SDC2: variants seen among roughly 807,000 people sequenced by gnomAD.
The protein encoded by SDC2 is syndecan-2.
A neutral mutation model predicts 22.2 loss-of-function variants in SDC2; 13 were observed. That is an observed-to-expected ratio of 0.59 (90% confidence interval 0.38 to 0.93). The LOEUF (loss-of-function observed/expected upper bound fraction) is 0.93, where lower values mean the gene tolerates loss of function less well. Ranked by LOEUF, SDC2 falls within the 40% of genes least tolerant of loss-of-function variation. The pLI is 0.00. For missense variants in SDC2, 235 were observed against 246.8 expected (o/e 0.95, Z 0.32); for synonymous variants, 94 against 92.8 (o/e 1.01, Z -0.07).
intron 1 of SDC2, among the ~76,000 whole-genome samples, chr8:96,542,348 T>G (rs887873053): frequency 6.6e-6 from 1 of 152,218 alleles, no homozygotes; most frequent in African/African-American, 2.4e-5. Flanking sequence ...TCAGAGAAGA[T>G]GTGGGCTATG....
intron 1 of SDC2, among the ~76,000 whole-genome samples, chr8:96,536,887 G>A (rs927112848): frequency 3.3e-5 from 5 of 152,160 alleles, no homozygotes; most frequent in Admixed American, 3.3e-4. Context: ...CTGGATAACT[G>A]GCAGGTAACT....
chr8:96,604,500 A>G (rs1815044799), intron 3 of SDC2, among the ~76,000 whole-genome samples: 1 of 152,226 alleles, frequency 6.6e-6, no homozygotes, highest in African/African-American at 2.4e-5. Context: ...ATTGATCATG[A>G]ATAACATGAA....
Position 96,500,554 on chromosome 8 carries a change from T to C in SDC2, c.60+6223T>C, listed in dbSNP as rs191076026. ...ATGGGCACCTATAATCCCAGCTACTTGGGAGGCTGAGGCAGGAGAATTGCT... is the reference window on the plus strand; with the variant it reads ...ATGGGCACCTATAATCCCAGCTACTCGGGAGGCTGAGGCAGGAGAATTGCT... On this transcript the variant is annotated intron_variant, in intron 1 of 4. Transcript: ENST00000302190. Among the ~76,000 whole-genome samples the C allele has an allele frequency of 2.3e-4, 34 of 148,710 alleles. 1 individual carries two copies. The East Asian group carries it at 6.6e-3, about 29-fold the overall frequency.
intron 1 of SDC2, among the ~76,000 whole-genome samples, chr8:96,497,277 T>A (rs1252024622): frequency 6.6e-6 from 1 of 152,122 alleles, no homozygotes; most frequent in African/African-American, 2.4e-5. Flanking sequence ...GTTTGGCTGT[T>A]TTATGAGTGA....
At chr8:96,562,476 G>A (rs1272829592) in intron 1 of SDC2, among the ~76,000 whole-genome samples, 2 of 152,166 alleles carry the variant, frequency 1.3e-5, no homozygotes, top group Non-Finnish European at 2.9e-5. Flanking sequence ...GTCCCTGTGG[G>A]ACTTGGTAGC....
At chr8:96,552,013 A>G (rs1406254219) in intron 1 of SDC2, among the ~76,000 whole-genome samples, 3 of 152,152 alleles carry the variant, frequency 2.0e-5, no homozygotes, top group Non-Finnish European at 4.4e-5. Flanking sequence ...GTCCCTAGAC[A>G]TCTTGAATGT....
At chr8:96,552,153 ACT>A (rs1269716914) in intron 1 of SDC2, among the ~76,000 whole-genome samples, 1 of 152,198 alleles carries the variant, frequency 6.6e-6, no homozygotes, top group African/African-American at 2.4e-5. Flanking sequence ...CTCCTGCTTT[ACT>A]CAAATCTTGT....
chr8:96,557,754 A>C (rs1023271500), intron 1 of SDC2, among the ~76,000 whole-genome samples: 1 of 152,104 alleles, frequency 6.6e-6, no homozygotes, highest in Non-Finnish European at 1.5e-5. Context: ...ATGCACATGG[A>C]CCCTAAAACT....
intron 1 of SDC2, among the ~76,000 whole-genome samples, chr8:96,504,216 A>C (rs909257656): frequency 1.3e-5 from 2 of 152,230 alleles, no homozygotes; most frequent in Admixed American, 1.3e-4. Context: ...GACTCAATTC[A>C]CTTGACATGT....
rs1407868793 is a variant in SDC2 at position 96,493,990 on chromosome 8, G to A, written c.-282G>A. Reference sequence around the variant, plus strand: ...CCACAGCAGAGCAAGAAGAGCTTCAGAGAGCAGCCTTCCCGGAGCACCAAC... The same window carrying A: ...CCACAGCAGAGCAAGAAGAGCTTCAAAGAGCAGCCTTCCCGGAGCACCAAC... On this transcript the variant is annotated 5_prime_UTR_variant, in exon 1 of 5. Transcript: ENST00000302190. 1.4e-5 allele frequency: 7 copies of A among 510,474 alleles called. No individual in the cohort carries two copies. The highest frequency in any genetic ancestry group is 8.0e-5 in the Admixed American group (2 of 24,950). 31.6% of individuals were successfully genotyped at this position (510,474 alleles called of 1,614,324 possible).
Position 96,494,160 on chromosome 8 carries a change from T to G in SDC2, c.-112T>G. On this transcript the variant is annotated 5_prime_UTR_variant, in exon 1 of 5. Transcript: ENST00000302190. ...GTCCCCGAGCCTGAGCCGCAATCGC[T>G]GCGGTACTCTGCTCCGGATTCGTGT... The G allele has an allele frequency of 8.7e-7, 1 of 1,152,132 alleles. No homozygotes were observed. Among genetic ancestry groups the G allele is most frequent in the Non-Finnish European group, 1.2e-6 (1 of 821,020 alleles). The allele number at this position is 1,152,132 out of a possible 1,614,324, so 71.4% of individuals were successfully genotyped here. A position where few individuals can be genotyped will look rare whatever the true frequency, so the allele number is the denominator to read the frequency against.
At position 96,565,084 on chromosome 8, in the gene SDC2, A is replaced by AT. The variant is rs11304418; in HGVS notation, c.61-28381dup. Among the ~76,000 whole-genome samples, 50 of 67,832 alleles carry AT rather than the reference A, an allele frequency of 7.4e-4. 3 individuals are homozygous for AT. The highest frequency in any genetic ancestry group is 3.7e-3 in the Admixed American group (20 of 5,370). 44.5% of individuals were successfully genotyped at this position (67,832 alleles called of 152,430 possible). On this transcript the variant is annotated intron_variant, in intron 1 of 4. Transcript: ENST00000302190. ...GATCACTGAGACCATCCTAAATTTGATTTTTTTTTTTTTTTGTTGAGATGG... is the reference window on the plus strand; with the variant it reads ...GATCACTGAGACCATCCTAAATTTGATTTTTTTTTTTTTTTTGTTGAGATGG...
At chr8:96,597,053 T>C (rs1814890022) in intron 2 of SDC2, among the ~76,000 whole-genome samples, 1 of 152,156 alleles carries the variant, frequency 6.6e-6, no homozygotes, top group Non-Finnish European at 1.5e-5. Context: ...GGGCTCATGT[T>C]CCCTGCCCTC....
intron 1 of SDC2, among the ~76,000 whole-genome samples, chr8:96,574,050 C>T (rs531400224): frequency 1.3e-5 from 2 of 150,834 alleles, no homozygotes; most frequent in African/African-American, 4.9e-5. Flanking sequence ...TCCACACCCC[C>T]TCCCCTCTGC....
At chr8:96,541,142 A>C (rs140126096) in intron 1 of SDC2, among the ~76,000 whole-genome samples, 430 of 152,290 alleles carry the variant, frequency 2.8e-3, no homozygotes, top group African/African-American at 9.9e-3. Context: ...TAAAGAAGGA[A>C]ATTGTAGACT....
intron 1 of SDC2, among the ~76,000 whole-genome samples, chr8:96,578,827 A>C (rs1054266268): frequency 1.3e-5 from 2 of 152,220 alleles, no homozygotes; most frequent in Non-Finnish European, 2.9e-5. Flanking sequence ...AAGAAAAAGC[A>C]GGGGCCTTCT....
At chr8:96,513,641 G>A (rs1813360229) in intron 1 of SDC2, among the ~76,000 whole-genome samples, 1 of 152,104 alleles carries the variant, frequency 6.6e-6, no homozygotes, top group South Asian at 2.1e-4. Flanking sequence ...ACATCTTTTG[G>A]TAGTATCATC....
At position 96,509,558 on chromosome 8, in the gene SDC2, G is replaced by C. The variant is rs1813298286; in HGVS notation, c.60+15227G>C. 2.1e-5 allele frequency among the ~76,000 whole-genome samples: 3 copies of C among 141,308 alleles called. 1 individual carries two copies. Among genetic ancestry groups the C allele is most frequent in the Non-Finnish European group, 4.8e-5 (3 of 62,050 alleles). The allele number at this position is 141,308 out of a possible 152,430, so 92.7% of individuals were successfully genotyped here. A position where few individuals can be genotyped will look rare whatever the true frequency, so the allele number is the denominator to read the frequency against. On this transcript the variant is annotated intron_variant, in intron 1 of 4. Transcript: ENST00000302190. ...TCTCCATCACGGGTTTTCAGCCCTT[G>C]CTGCCGATTACATAAACTTGGGGAG...
intron 1 of SDC2, among the ~76,000 whole-genome samples, chr8:96,495,173 C>G (rs563998080): frequency 4.8e-4 from 73 of 152,314 alleles, no homozygotes; most frequent in Non-Finnish European, 1.0e-4. Flanking sequence ...GGTCGCCTGG[C>G]CGCTGGGGGA....
Sources: gnomAD v4.1 joint callset for allele counts (sites outside exome capture counted in the v4.1 genomes callset) on GRCh38, gnomAD v4.1.1 for gene constraint, MANE v1.5 for transcripts, NCBI Gene and HGNC (gene_info 2026-07-23, HGNC 2026-07-21) for gene names.